The following TMEM117 variants were observed in gnomAD, a reference collection of about 807,000 sequenced individuals.
TMEM117 encodes the protein transmembrane protein 117.
Under a neutral mutation model 52.4 loss-of-function variants are expected in TMEM117, and 27 were observed. The ratio of observed to expected loss-of-function variants is 0.51; its 90% CI spans 0.38 to 0.71. The LOEUF (loss-of-function observed/expected upper bound fraction) is 0.71, where lower values mean the gene tolerates loss of function less well. Ranked by LOEUF, TMEM117 falls within the 30% of genes least tolerant of loss-of-function variation. TMEM117 has a pLI of 0.00. For synonymous variants in TMEM117, 215 were observed against 206.3 expected (o/e 1.04, Z -0.36); for missense variants, 556 against 630.5 (o/e 0.88, Z 1.26).
At chr12:44,010,072 C>A in intron 3 of TMEM117, 2 of 433,860 alleles carry the variant, frequency 4.6e-6, no homozygotes, top group Non-Finnish European at 9.3e-6. Flanking sequence ...CTCTCACAGA[C>A]CCATTAGTCT....
At chr12:44,123,325 A>C (rs1223283743) in intron 3 of TMEM117, among the ~76,000 whole-genome samples, 2 of 151,958 alleles carry the variant, frequency 1.3e-5, no homozygotes. Context: ...AGATTGCAAA[A>C]ATTTTCTCCC....
intron 6 of TMEM117, among the ~76,000 whole-genome samples, chr12:44,316,088 G>T (rs1565707172): frequency 6.6e-6 from 1 of 152,122 alleles, no homozygotes; most frequent in Non-Finnish European, 1.5e-5. Context: ...ATATTGTCAT[G>T]TGTGGTTTTA....
chr12:44,164,526 A>C (rs1948938766), intron 4 of TMEM117, among the ~76,000 whole-genome samples: 2 of 152,178 alleles, frequency 1.3e-5, no homozygotes, highest in South Asian at 4.1e-4. Context: ...AGTTGTTACA[A>C]AGGCCATTAC....
the TMEM117 span, among the ~76,000 whole-genome samples, chr12:43,810,533 C>A: frequency 4.6e-4 from 70 of 152,284 alleles, no homozygotes; most frequent in Middle Eastern, 3.4e-3. Flanking sequence ...AATCTGCAAT[C>A]TGGTGGGAAG....
chr12:43,999,183 T>C (rs1946077921), intron 3 of TMEM117, among the ~76,000 whole-genome samples: 1 of 152,222 alleles, frequency 6.6e-6, no homozygotes, highest in African/African-American at 2.4e-5. Context: ...GCTAGAATGC[T>C]GCTGTATGTT....
At chr12:44,321,467 A>G (rs983881172) in intron 6 of TMEM117, among the ~76,000 whole-genome samples, 1 of 152,200 alleles carries the variant, frequency 6.6e-6, no homozygotes, top group African/African-American at 2.4e-5. Context: ...GTCACCAGGA[A>G]GAGATTCTGA....
chr12:43,953,398 A>G (rs1050562123), intron 3 of TMEM117, among the ~76,000 whole-genome samples: 13 of 152,222 alleles, frequency 8.5e-5, no homozygotes, highest in Non-Finnish European at 1.9e-4. Context: ...GCTGTCTTCA[A>G]GAGACATATC....
At chr12:44,086,214 C>CTTT (rs772258917) in intron 3 of TMEM117, among the ~76,000 whole-genome samples, 2 of 125,380 alleles carry the variant, frequency 1.6e-5, no homozygotes, top group Admixed American at 8.1e-5. Context: ...GCTTCCAAGT[C>CTTT]TTTTTTTTTT....
downstream of TMEM117, among the ~76,000 whole-genome samples, chr12:44,391,978 C>G (rs1210141671): frequency 6.6e-6 from 1 of 152,138 alleles, no homozygotes; most frequent in African/African-American, 2.4e-5. Context: ...ACCCTTGAGA[C>G]AGCAAGAGCA....
chr12:44,314,727 A>G (rs770264694), intron 6 of TMEM117, among the ~76,000 whole-genome samples: 3 of 151,484 alleles, frequency 2.0e-5, no homozygotes, highest in Non-Finnish European at 4.4e-5. Flanking sequence ...TTCTTTTTAC[A>G]TTGTGCCTTT....
chr12:43,908,243 A>G (rs912876710), intron 2 of TMEM117, among the ~76,000 whole-genome samples: 1 of 73,070 alleles, frequency 1.4e-5, no homozygotes, highest in Non-Finnish European at 4.0e-5. Context: ...ATCCAGCCAA[A>G]CTAAGCTTCA....
rs117836030 is a variant in TMEM117, at chr12:43,846,980, T to C, written c.277+2052T>C. ...TCGTCTTGTGCCTATATGTATACAA[T>C]GCACACATATGTATAGATGCACATA... On this transcript the variant is annotated intron_variant, in intron 2 of 7. Coordinates refer to ENST00000266534, the MANE Select transcript of TMEM117 (RefSeq NM_032256.3). 6.9e-3 allele frequency among the ~76,000 whole-genome samples: 1,047 copies of C among 152,296 alleles called. 4 individuals carry two copies. The highest frequency in any genetic ancestry group is 0.012 in the Non-Finnish European group (827 of 68,022).
At chr12:44,305,278 A>G (rs1042588330) in intron 6 of TMEM117, among the ~76,000 whole-genome samples, 4 of 152,162 alleles carry the variant, frequency 2.6e-5, no homozygotes, top group African/African-American at 9.7e-5. Flanking sequence ...CCCAAAAGCA[A>G]TTGCAACAAA....
chr12:43,937,689 A>C (rs533606393), intron 2 of TMEM117, among the ~76,000 whole-genome samples: 2 of 152,318 alleles, frequency 1.3e-5, no homozygotes, highest in Admixed American at 1.3e-4. Context: ...GTAGAAAGAT[A>C]GGATTCCATA....
chr12:43,839,623 T>G (rs1943086889), intron 1 of TMEM117, among the ~76,000 whole-genome samples: 1 of 152,238 alleles, frequency 6.6e-6, no homozygotes, highest in Non-Finnish European at 1.5e-5. Flanking sequence ...TTTTCCTTGC[T>G]TTAATTTTCT....
At chr12:44,279,716 G>A (rs1950555385) in intron 5 of TMEM117, among the ~76,000 whole-genome samples, 1 of 152,102 alleles carries the variant, frequency 6.6e-6, no homozygotes, top group Admixed American at 6.5e-5. Flanking sequence ...GTTTCACTGT[G>A]TTGCCCAGGC....
chr12:44,032,233 G>C (rs1241895949), intron 3 of TMEM117, among the ~76,000 whole-genome samples: 2 of 152,196 alleles, frequency 1.3e-5, no homozygotes, highest in African/African-American at 4.8e-5. Flanking sequence ...AAATAAAATG[G>C]CCAAGTGTAA....
At chr12:44,282,928 G>T (rs908433660) in intron 5 of TMEM117, among the ~76,000 whole-genome samples, 1 of 152,232 alleles carries the variant, frequency 6.6e-6, no homozygotes, top group Non-Finnish European at 1.5e-5. Flanking sequence ...TAGGGACTTG[G>T]TGCCCTGTGA....
intron 3 of TMEM117, among the ~76,000 whole-genome samples, chr12:44,121,710 A>G (rs1248258088): frequency 6.6e-6 from 1 of 152,074 alleles, no homozygotes; most frequent in Non-Finnish European, 1.5e-5. Context: ...TCTCTTTCCA[A>G]TTTTTATTTT....
Sources: allele counts gnomAD v4.1 joint callset (sites outside exome capture counted in the v4.1 genomes callset), GRCh38; gene constraint gnomAD v4.1.1; transcripts MANE v1.5; gene names NCBI Gene and HGNC (gene_info 2026-07-23, HGNC 2026-07-21).